Variants in UBE2E2 observed in about 807,000 individuals in gnomAD.
The protein encoded by UBE2E2 is ubiquitin conjugating enzyme E2 E2.
In UBE2E2, 6 loss-of-function variants were observed where a neutral mutation model predicts 24.7. The observed-to-expected ratio is 0.24, with a 90% confidence interval of 0.13 to 0.48. The LOEUF is 0.48. Ranked by LOEUF, UBE2E2 falls within the 20% of genes least tolerant of loss-of-function variation. The pLI is 0.99. For missense variants in UBE2E2, 169 were observed against 245.0 expected (o/e 0.69, Z 2.07); for synonymous variants, 104 against 83.6 (o/e 1.24, Z -1.33).
chr3:23,506,543 CTT>C (rs1694461314), intron 4 of UBE2E2, among the ~76,000 whole-genome samples: 3 of 152,332 alleles, frequency 2.0e-5, no homozygotes, highest in African/African-American at 7.2e-5. Flanking sequence ...CCTAGAAACT[CTT>C]TGGCGCAAAC....
Position 23,590,083 on chromosome 3 carries a change from T to A in UBE2E2, c.*252T>A. 1 of 407,630 alleles carries A rather than the reference T, an allele frequency of 2.5e-6. No individual in the cohort carries two copies. Among genetic ancestry groups the A allele is most frequent in the Non-Finnish European group, 4.4e-6 (1 of 227,544 alleles). 25.3% of individuals were successfully genotyped at this position (407,630 alleles called of 1,614,324 possible). On this transcript the variant is annotated 3_prime_UTR_variant, in exon 6 of 6. Coordinates refer to ENST00000396703, the MANE Select transcript of UBE2E2 (RefSeq NM_152653.4). The stretch of plus-strand genomic sequence containing the variant: ...GTTAACTTGAAAGATTTGGGATTTT[T>A]TCCCACCTCATCATAGATGGGAACT...
chr3:23,456,247 A>G (rs1698677283), intron 3 of UBE2E2, among the ~76,000 whole-genome samples: 2 of 152,326 alleles, frequency 1.3e-5, no homozygotes, highest in South Asian at 2.1e-4. Flanking sequence ...TACTTCCTCC[A>G]TTGAAATCAA....
chr3:23,501,163 A>G (rs1699712139), intron 4 of UBE2E2, among the ~76,000 whole-genome samples: 1 of 152,212 alleles, frequency 6.6e-6, no homozygotes, highest in African/African-American at 2.4e-5. Context: ...AAGGATGCAC[A>G]GAGTGAGGAA....
intron 3 of UBE2E2, among the ~76,000 whole-genome samples, chr3:23,266,872 A>G (rs1287461710): frequency 1.3e-5 from 2 of 152,364 alleles, no homozygotes; most frequent in East Asian, 1.9e-4. Flanking sequence ...CCACAGTGCA[A>G]TCAAACTAGA....
At chr3:23,467,237 G>C (rs1231606994) in intron 3 of UBE2E2, among the ~76,000 whole-genome samples, 1 of 152,192 alleles carries the variant, frequency 6.6e-6, no homozygotes, top group Non-Finnish European at 1.5e-5. Flanking sequence ...GAGAAACCTA[G>C]ACTTGAAGGT....
rs150348178 is a variant in UBE2E2 at position 23,294,130 on chromosome 3, A to G, written c.227+76818A>G. Among the ~76,000 whole-genome samples, 267 of 152,370 alleles carry G rather than the reference A, an allele frequency of 1.8e-3. 2 individuals are homozygous for G. The highest frequency in any genetic ancestry group is 6.0e-3 in the African/African-American group (251 of 41,594). ...ATGTTAAGAAACTAATTCCGCAAGA[A>G]TAATTGTGTAGTTATCTGATTTCTG... On this transcript the variant is annotated intron_variant, in intron 3 of 5. Transcript: ENST00000396703.
At chr3:23,295,313 G>C (rs1252364940) in intron 3 of UBE2E2, among the ~76,000 whole-genome samples, 1 of 151,686 alleles carries the variant, frequency 6.6e-6, no homozygotes, top group Middle Eastern at 3.4e-3. Flanking sequence ...TTTGTTTTTG[G>C]CTGTCTTTGC....
At chr3:23,315,678 G>T (rs1694553787) in intron 3 of UBE2E2, among the ~76,000 whole-genome samples, 2 of 152,150 alleles carry the variant, frequency 1.3e-5, no homozygotes, top group South Asian at 4.1e-4. Flanking sequence ...GATGCTCATT[G>T]GTTTTGGGGC....
At chr3:23,221,354 A>G (rs1696633977) in intron 3 of UBE2E2, among the ~76,000 whole-genome samples, 1 of 152,188 alleles carries the variant, frequency 6.6e-6, no homozygotes, top group South Asian at 2.1e-4. Flanking sequence ...GGTTTTTAGT[A>G]TAGTCTCGGA....
At chr3:23,403,021 C>T (rs1205628192) in intron 3 of UBE2E2, among the ~76,000 whole-genome samples, 1 of 152,092 alleles carries the variant, frequency 6.6e-6, no homozygotes, top group African/African-American at 2.4e-5. Context: ...TTGAGTGCTG[C>T]TTTTAGAAAC....
intron 3 of UBE2E2, among the ~76,000 whole-genome samples, chr3:23,365,243 T>C (rs1696223294): frequency 6.6e-6 from 1 of 152,102 alleles, no homozygotes; most frequent in South Asian, 2.1e-4. Context: ...TCACCACTCA[T>C]ACTTAACCAT....
chr3:23,355,679 A>G (rs976048683), intron 3 of UBE2E2, among the ~76,000 whole-genome samples: 1 of 152,192 alleles, frequency 6.6e-6, no homozygotes, highest in Non-Finnish European at 1.5e-5. Context: ...CTGTGCTGGA[A>G]AAGTTTAAAT....
chr3:23,319,289 C>A (rs1258701684), intron 3 of UBE2E2, among the ~76,000 whole-genome samples: 1 of 152,104 alleles, frequency 6.6e-6, no homozygotes, highest in Non-Finnish European at 1.5e-5. Flanking sequence ...TCTCTTCGGT[C>A]TGAAATGGAC....
intron 3 of UBE2E2, among the ~76,000 whole-genome samples, chr3:23,447,283 T>C (rs1040206743): frequency 6.6e-6 from 1 of 152,190 alleles, no homozygotes; most frequent in Non-Finnish European, 1.5e-5. Flanking sequence ...GAGGAATGAA[T>C]AGTTAGATGG....
At chr3:23,279,301 A>G (rs1210184541) in intron 3 of UBE2E2, among the ~76,000 whole-genome samples, 3 of 152,084 alleles carry the variant, frequency 2.0e-5, no homozygotes, top group African/African-American at 7.2e-5. Flanking sequence ...AAAAACCTTT[A>G]TTTTCCAAGT....
chr3:23,312,712 T>C, intron 3 of UBE2E2, among the ~76,000 whole-genome samples: 1 of 152,162 alleles, frequency 6.6e-6, no homozygotes, highest in East Asian at 1.9e-4. Context: ...CATCCTTGGG[T>C]GGCTTATTTG....
At chr3:23,270,468 G>C (rs751910557) in intron 3 of UBE2E2, among the ~76,000 whole-genome samples, 3 of 152,134 alleles carry the variant, frequency 2.0e-5, no homozygotes, top group Non-Finnish European at 4.4e-5. Context: ...CTTGGAGTTA[G>C]GGGAAACACT....
intron 3 of UBE2E2, among the ~76,000 whole-genome samples, chr3:23,244,179 A>C (rs1445402557): frequency 6.6e-6 from 1 of 152,140 alleles, no homozygotes; most frequent in Non-Finnish European, 1.5e-5. Flanking sequence ...ATTAAAAAAA[A>C]GTTTAGGTTT....
intron 3 of UBE2E2, among the ~76,000 whole-genome samples, chr3:23,271,846 T>A (rs1490902218): frequency 6.6e-6 from 1 of 152,182 alleles, no homozygotes; most frequent in Non-Finnish European, 1.5e-5. Flanking sequence ...TACAGAGTGC[T>A]CATTGGTGCA....
Sources: allele counts gnomAD v4.1 joint callset (sites outside exome capture counted in the v4.1 genomes callset), GRCh38; gene constraint gnomAD v4.1.1; transcripts MANE v1.5; gene names NCBI Gene and HGNC (gene_info 2026-07-23, HGNC 2026-07-21).